FIG4: variants seen among roughly 807,000 people sequenced by gnomAD.
FIG4 encodes the protein FIG4 phosphoinositide 5-phosphatase.
Under a neutral mutation model 118.6 loss-of-function variants are expected in FIG4, and 112 were observed. The ratio of observed to expected loss-of-function variants is 0.94; its 90% CI spans 0.81 to 1.11. FIG4 has a LOEUF of 1.11. Among genes scored for constraint, FIG4 ranks in the 50% least tolerant of loss-of-function variants. The pLI is 0.00. For synonymous variants in FIG4, 369 were observed against 381.2 expected (o/e 0.97, Z 0.37); for missense variants, 969 against 1,111.7 (o/e 0.87, Z 1.83).
At chr6:109,764,067 C>A in intron 13 of FIG4, 85 bp downstream of exon 13, 2 of 861,138 alleles carry the variant, frequency 2.3e-6, no homozygotes, top group East Asian at 2.4e-5. Flanking sequence ...ATGGAAAGAC[C>A]TGTATCTTAT....
chr6:109,817,746 C>G (rs1006527542), intron 22 of FIG4, among the ~76,000 whole-genome samples: 13 of 152,286 alleles, frequency 8.5e-5, no homozygotes, highest in African/African-American at 3.1e-4. Context: ...AAAGGGTCCA[C>G]TCTCTGCCAG....
At chr6:109,742,007 T>TA (rs1448478847) in intron 8 of FIG4, among the ~76,000 whole-genome samples, 1 of 152,060 alleles carries the variant, frequency 6.6e-6, no homozygotes, top group Admixed American at 6.6e-5. Flanking sequence ...GGGCTGACAA[T>TA]AATTAATACT....
intron 22 of FIG4, among the ~76,000 whole-genome samples, chr6:109,816,634 G>T (rs1415664659): frequency 6.6e-6 from 1 of 152,208 alleles, no homozygotes; most frequent in African/African-American, 2.4e-5. Flanking sequence ...AGTCCTTGTT[G>T]CCTGTGGCTC....
intron 15 of FIG4, among the ~76,000 whole-genome samples, chr6:109,767,429 A>G (rs1777312649): frequency 6.6e-6 from 1 of 152,202 alleles, no homozygotes; most frequent in East Asian, 1.9e-4. Context: ...TGCCAATACA[A>G]TAGGTATCAC....
chr6:109,785,322 C>G (rs991964216), intron 17 of FIG4, among the ~76,000 whole-genome samples: 4 of 152,010 alleles, frequency 2.6e-5, no homozygotes, highest in Non-Finnish European at 5.9e-5. Context: ...TATATCGGCT[C>G]ATCACTTTAA....
intron 22 of FIG4, among the ~76,000 whole-genome samples, chr6:109,820,061 G>T (rs1445734671): frequency 6.6e-6 from 1 of 152,156 alleles, no homozygotes; most frequent in Admixed American, 6.5e-5. Flanking sequence ...GAGGAGAGGG[G>T]CATGCCCTAC....
At chr6:109,762,994 C>G (rs962750700) in intron 12 of FIG4, among the ~76,000 whole-genome samples, 1 of 152,236 alleles carries the variant, frequency 6.6e-6, no homozygotes, top group Non-Finnish European at 1.5e-5. Context: ...CCAGAGTCTT[C>G]TCCTCAGTGG....
chr6:109,711,317 G>T (rs1197522915), intron 1 of FIG4, among the ~76,000 whole-genome samples: 2 of 152,134 alleles, frequency 1.3e-5, no homozygotes, highest in Non-Finnish European at 2.9e-5. Flanking sequence ...CAGGAGAATG[G>T]CATGAACCCA....
Position 109,825,113 on chromosome 6 carries a change from G to GA in FIG4, c.2573dup (p.Asp858GlufsTer2). The GA allele has an allele frequency of 6.2e-7, 1 of 1,613,974 alleles. No homozygotes were observed. The highest frequency in any genetic ancestry group is 8.5e-7 in the Non-Finnish European group (1 of 1,179,914). On this transcript the variant is annotated frameshift_variant, in exon 23 of 23. Coordinates refer to ENST00000230124, the MANE Select transcript of FIG4 (RefSeq NM_014845.6). LOFTEE classifies it high-confidence loss of function. ...AACACCCATCTCGGCTTTCTCGCAA[G>GA]ATAACATCTATGAAGTTCAGCCCCC...
intron 3 of FIG4, among the ~76,000 whole-genome samples, chr6:109,716,796 T>C (rs1027317769): frequency 1.3e-5 from 2 of 152,216 alleles, no homozygotes; most frequent in Non-Finnish European, 2.9e-5. Context: ...CAAACAAATA[T>C]CAAAATGTTT....
At chr6:109,795,855 C>A (rs1477731669) in intron 21 of FIG4, among the ~76,000 whole-genome samples, 4 of 152,098 alleles carry the variant, frequency 2.6e-5, no homozygotes, top group Admixed American at 6.5e-5. Flanking sequence ...CCTGCCTCGG[C>A]CTCCCAAAGT....
chr6:109,795,186 G>A (rs1353055235), intron 21 of FIG4, among the ~76,000 whole-genome samples: 6 of 130,512 alleles, frequency 4.6e-5, no homozygotes, highest in Non-Finnish European at 1.5e-5. Flanking sequence ...CTGCAGTGGC[G>A]CAATCTCGGC....
intron 4 of FIG4, among the ~76,000 whole-genome samples, chr6:109,728,585 C>A (rs1775889747): frequency 6.6e-6 from 1 of 152,110 alleles, no homozygotes; most frequent in Non-Finnish European, 1.5e-5. Flanking sequence ...TTGCTTGAGA[C>A]CATCTTAGAC....
At chr6:109,766,603 T>G in intron 14 of FIG4, 126 bp from the exon 15 acceptor site, 1 of 764,396 alleles carries the variant, frequency 1.3e-6, no homozygotes, top group East Asian at 2.5e-5. Context: ...TGCAAGATAT[T>G]GAAGAATCTA....
intron 10 of FIG4, 101 bp from the exon 11 acceptor site, chr6:109,760,147 CTT>C (rs1777057753): frequency 1.1e-6 from 1 of 920,210 alleles, no homozygotes; most frequent in Non-Finnish European, 1.7e-6. Flanking sequence ...ATATTTAAGA[CTT>C]GGATTTTTTT....
At chr6:109,793,129 ACT>A (rs1778185859) in intron 21 of FIG4, among the ~76,000 whole-genome samples, 1 of 152,204 alleles carries the variant, frequency 6.6e-6, no homozygotes, top group South Asian at 2.1e-4. Flanking sequence ...AATGCCTGAG[ACT>A]CTGCCCCTCA....
intron 1 of FIG4, among the ~76,000 whole-genome samples, chr6:109,713,688 G>T (rs1283219053): frequency 6.6e-6 from 1 of 152,188 alleles, no homozygotes; most frequent in Non-Finnish European, 1.5e-5. Flanking sequence ...ACACATGTTG[G>T]CAGAGTGATG....
At chr6:109,710,968 T>C (rs1346144827) in intron 1 of FIG4, among the ~76,000 whole-genome samples, 3 of 152,156 alleles carry the variant, frequency 2.0e-5, no homozygotes, top group African/African-American at 7.2e-5. Flanking sequence ...CGTGTCTCAG[T>C]CTCCTTCAGT....
chr6:109,760,354 TC>T lies in FIG4; in HGVS notation c.1245del (p.Trp416GlyfsTer18). ...CTCCTGAGCACACTATTGTTTATAT[TC>T]CCTGGGACATGGCCAAGTATACCAA... ...LPPEHTIVYI[P>X]WDMAKYTKSK... On this transcript the variant is annotated frameshift_variant, in exon 11 of 23. Transcript: ENST00000230124. LOFTEE classifies it high-confidence loss of function. The T allele has an allele frequency of 6.2e-7, 1 of 1,613,218 alleles. No individual in the cohort carries two copies. The highest frequency in any genetic ancestry group is 2.2e-5 in the East Asian group (1 of 44,838).
Sources: gnomAD v4.1 joint callset for allele counts (sites outside exome capture counted in the v4.1 genomes callset) on GRCh38, gnomAD v4.1.1 for gene constraint, MANE v1.5 for transcripts, NCBI Gene and HGNC (gene_info 2026-07-23, HGNC 2026-07-21) for gene names.